Variants in DHODH observed in about 807,000 individuals in gnomAD.
The protein encoded by DHODH is dihydroorotate dehydrogenase (quinone), also known as dihydroorotate dehydrogenase (quinone), mitochondrial.
DHODH carries 30 observed loss-of-function variants against 39.7 expected under a neutral mutation model. The ratio of observed to expected loss-of-function variants is 0.76; its 90% CI spans 0.57 to 1.02. The LOEUF (loss-of-function observed/expected upper bound fraction) is 1.02. DHODH is among the 50% of genes least tolerant of loss of function. The pLI, the probability that DHODH is intolerant of heterozygous loss-of-function variation, is 0.00. For synonymous variants in DHODH, 222 were observed against 213.8 expected (o/e 1.04, Z -0.34); for missense variants, 531 against 520.8 (o/e 1.02, Z -0.19).
At chr16:72,014,343 G>C in intron 2 of DHODH, 130 bp from the exon 3 acceptor site, 3 of 865,806 alleles carry the variant, frequency 3.5e-6, no homozygotes, top group Admixed American at 2.1e-5. Flanking sequence ...TTTGACCTTG[G>C]GGGTGGGCCC....
intron 3 of DHODH, 143 bp from the exon 4 acceptor site, chr16:72,016,881 G>T: frequency 1.3e-6 from 1 of 741,130 alleles, no homozygotes; most frequent in Non-Finnish European, 2.4e-6. Flanking sequence ...AGTTCTCTAG[G>T]AGTCCCAGTG....
intron 1 of DHODH, chr16:72,009,107 G>A (rs2041052954): frequency 7.7e-7 from 1 of 1,303,096 alleles, no homozygotes; most frequent in Non-Finnish European, 9.8e-7. Context: ...GGATCCAACG[G>A]GGAATGAAAC....
At position 72,019,192 on chromosome 16, in the gene DHODH, T is replaced by C. The variant is rs1409211079; in HGVS notation, c.518-1932T>C. 5.3e-5 allele frequency among the ~76,000 whole-genome samples: 8 copies of C among 152,174 alleles called. No individual in the cohort carries two copies. The East Asian group carries it at 9.7e-4, about 18-fold the overall frequency. On this transcript the variant is annotated intron_variant, in intron 4 of 8. Coordinates refer to ENST00000219240, the MANE Select transcript of DHODH (RefSeq NM_001361.5). The stretch of plus-strand genomic sequence containing the variant: ...GCTGGTCTTGAACTCCTGACCTCAA[T>C]TGATCCACCCACCTCAGCCTCCCAA...
chr16:72,009,987 A>T (rs542607044), intron 1 of DHODH, among the ~76,000 whole-genome samples: 33 of 152,230 alleles, frequency 2.2e-4, no homozygotes, highest in South Asian at 1.0e-3. Context: ...GCCTCAAGGG[A>T]TCTTCCCGCC....
intron 1 of DHODH, among the ~76,000 whole-genome samples, chr16:72,011,636 C>T (rs1567569258): frequency 6.6e-6 from 1 of 152,080 alleles, no homozygotes; most frequent in Non-Finnish European, 1.5e-5. Context: ...TAATTTTTAC[C>T]CACACAAATG....
intron 5 of DHODH, among the ~76,000 whole-genome samples, 175 bp from the exon 6 acceptor site, chr16:72,022,187 C>T (rs936480520): frequency 3.9e-5 from 6 of 151,940 alleles, no homozygotes; most frequent in Admixed American, 6.5e-5. Flanking sequence ...AGAATGGAAT[C>T]GGATCCATCT....
In DHODH at chr16:72,014,519, C is replaced by G. The variant is rs1295452728; in HGVS notation, c.281C>G (p.Ala94Gly). The change falls in exon 3 of 9, where the codon GCT becomes GGT. Residue 94 changes from alanine (A) to glycine (G), a missense_variant. Coordinates refer to ENST00000219240, the MANE Select transcript of DHODH (RefSeq NM_001361.5). ...GHKFRNPVGI[A>G]AGFDKHGEAV... is the part of the protein sequence containing the mutation. ...AAATTCCGAAATCCAGTAGGAATTG[C>G]TGCAGGATTTGACAAGCATGGGGAA... 1.2e-5 allele frequency: 20 copies of G among 1,614,076 alleles called. No individual in the cohort carries two copies. The highest frequency in any genetic ancestry group is 1.7e-5 in the Non-Finnish European group (20 of 1,180,056).
At chr16:72,023,110 C>T in intron 6 of DHODH, 55 bp from the exon 7 acceptor site, 1 of 1,603,096 alleles carries the variant, frequency 6.2e-7, no homozygotes, top group South Asian at 1.1e-5. Flanking sequence ...CAGAGAAGCG[C>T]CTCTGGGTCC....
At chr16:72,015,563 C>A in intron 3 of DHODH, 1 of 408,664 alleles carries the variant, frequency 2.4e-6, no homozygotes, top group Non-Finnish European at 3.3e-6. Flanking sequence ...CCACTGGTGG[C>A]CTCCTGGGAG....
At chr16:72,012,315 C>G in intron 2 of DHODH, 53 bp downstream of exon 2, 1 of 1,528,666 alleles carries the variant, frequency 6.5e-7, no homozygotes, top group Non-Finnish European at 9.0e-7. Context: ...GGCTGCAGTC[C>G]CCTAAACTTC....
At chr16:72,023,041 A>G (rs915924738) in intron 6 of DHODH, 124 bp from the exon 7 acceptor site, 2 of 882,870 alleles carry the variant, frequency 2.3e-6, no homozygotes, top group Admixed American at 2.0e-5. Flanking sequence ...GGTCTGGTGT[A>G]GCTCTTGCTT....
chr16:72,024,139 T>C lies in DHODH; in HGVS notation c.1134-6T>C. The C allele has an allele frequency of 6.2e-7, 1 of 1,614,200 alleles. No individual in the cohort carries two copies. Among genetic ancestry groups the C allele is most frequent in the Non-Finnish European group, 8.5e-7 (1 of 1,180,008 alleles). On this transcript the variant is annotated splice_region_variant and splice_polypyrimidine_tract_variant and intron_variant, in intron 8 of 8. Transcript: ENST00000219240. ...GCTGAAATTGCTTTGTTTGCTCTTT[T>C]TCCAGAGAGCAGGGCTTTGGCGGAG...
intron 7 of DHODH, 27 bp from the exon 8 acceptor site, chr16:72,023,447 A>AT: frequency 6.2e-7 from 1 of 1,613,990 alleles, no homozygotes; most frequent in Non-Finnish European, 8.5e-7. Flanking sequence ...ATCCTTCTTT[A>AT]TGGTGTCGCC....
chr16:72,012,079 G>C lies in DHODH; in HGVS notation c.51G>C (p.Leu17=), dbSNP rs772234792. Reference sequence around the variant, plus strand: ...GGGCCCAGGATGCTGTGATCATCCTGGGGGGAGGAGGACTTCTCTTCGCCT... The same window carrying C: ...GGGCCCAGGATGCTGTGATCATCCTCGGGGGAGGAGGACTTCTCTTCGCCT... ...KKRAQDAVII[L]GGGGLLFASY... Residue 17 remains leucine, a synonymous_variant, in exon 2 of 9, where the codon CTG becomes CTC. Transcript: ENST00000219240. The C allele has an allele frequency of 6.2e-7, 1 of 1,613,998 alleles. No individual in the cohort carries two copies. The highest frequency in any genetic ancestry group is 8.5e-7 in the Non-Finnish European group (1 of 1,180,002).
At position 72,024,149 on chromosome 16, in the gene DHODH, C is replaced by G. The variant is rs777338070; in HGVS notation, c.1138C>G (p.Gln380Glu). ...CTTTGTTTGCTCTTTTTCCAGAGAG[C>G]AGGGCTTTGGCGGAGTCACAGATGC... ...KRELEALLKE[Q>E]GFGGVTDAIG... Residue 380 changes from glutamine to glutamate, a missense_variant, in exon 9 of 9, where the codon CAG becomes GAG. By Grantham distance (29) the Gln-to-Glu change is conservative. Coordinates refer to ENST00000219240, the MANE Select transcript of DHODH (RefSeq NM_001361.5). The G allele has an allele frequency of 3.7e-6, 6 of 1,614,052 alleles. No homozygotes were observed. The African/African-American group carries it at 8.0e-5, about 22-fold the overall frequency.
chr16:72,021,139 G>A lies in DHODH; in HGVS notation c.533G>A (p.Gly178Glu), dbSNP rs1289510239. The A allele has an allele frequency of 3.1e-6, 5 of 1,607,596 alleles. No homozygotes were observed. In the East Asian group the frequency reaches 6.7e-5, roughly 22 times the overall value. Residue 178 changes from glycine to glutamate, a missense_variant, in exon 5 of 9, where the codon GGG becomes GAG. By Grantham distance (98) the Gly-to-Glu change is moderately conservative. Coordinates refer to ENST00000219240, the MANE Select transcript of DHODH (RefSeq NM_001361.5). Reference protein sequence around the residue: ...AKLTEDGLPLGVNLGKNKTSV... With the variant: ...AKLTEDGLPLEVNLGKNKTSV... ...ATGTTTGCAGATGGACTGCCTCTGGGGGTCAACTTGGGGAAGAACAAGACC... is the reference window on the plus strand; with the variant it reads ...ATGTTTGCAGATGGACTGCCTCTGGAGGTCAACTTGGGGAAGAACAAGACC...
intron 2 of DHODH, among the ~76,000 whole-genome samples, chr16:72,014,174 C>T (rs897169947): frequency 1.3e-5 from 2 of 152,146 alleles, no homozygotes; most frequent in Non-Finnish European, 1.5e-5. Flanking sequence ...AGACAGTGCT[C>T]GTCTCCGCTT....
chr16:72,027,401 G>C lies in DHODH; in HGVS notation c.*3202G>C, dbSNP rs935279906. On this transcript the variant is annotated 3_prime_UTR_variant, in exon 9 of 9. Transcript: ENST00000219240. Reference sequence around the variant, plus strand: ...CCACCTTGGCCTCCCAAAGAGCTGAGATTACAGGTGTGAGCCACCGCACCC... The same window carrying C: ...CCACCTTGGCCTCCCAAAGAGCTGACATTACAGGTGTGAGCCACCGCACCC... 6.6e-6 allele frequency: 1 copy of C among 152,254 alleles called. No individual in the cohort carries two copies. The highest frequency in any genetic ancestry group is 1.5e-5 in the Non-Finnish European group (1 of 68,108). 9.4% of individuals were successfully genotyped at this position (152,254 alleles called of 1,614,324 possible). A position where few individuals can be genotyped will look rare whatever the true frequency, so the allele number is the denominator to read the frequency against.
Position 72,024,387 on chromosome 16 carries a change from A to G in DHODH, c.*188A>G. The G allele has an allele frequency of 3.1e-6, 2 of 646,982 alleles. No homozygotes were observed. The highest frequency in any genetic ancestry group is 5.6e-6 in the Non-Finnish European group (2 of 358,840). The allele number at this position is 646,982 out of a possible 1,614,324, so 40.1% of individuals were successfully genotyped here. A position where few individuals can be genotyped will look rare whatever the true frequency, so the allele number is the denominator to read the frequency against. ...AGGCTTTCTTCAGTCCCTTGGTCAG[A>G]CCATAAACTGCATTTTTGATTCTTT... On this transcript the variant is annotated 3_prime_UTR_variant, in exon 9 of 9. Transcript: ENST00000219240.
Sources: allele counts gnomAD v4.1 joint callset (sites outside exome capture counted in the v4.1 genomes callset), GRCh38; gene constraint gnomAD v4.1.1; transcripts MANE v1.5; gene names NCBI Gene and HGNC (gene_info 2026-07-23, HGNC 2026-07-21).